Variants in KLHL8 observed in about 807,000 individuals in gnomAD.
The protein encoded by KLHL8 is kelch like family member 8.
A neutral mutation model predicts 63.5 loss-of-function variants in KLHL8; 38 were observed. The observed-to-expected ratio is 0.60, with a 90% CI of 0.46 to 0.78. The LOEUF (loss-of-function observed/expected upper bound fraction) is 0.78, where lower values mean the gene tolerates loss of function less well. Ranked by LOEUF, KLHL8 falls within the 30% of genes least tolerant of loss-of-function variation. The probability of loss-of-function intolerance (pLI) is 0.00; values close to 1 mark genes in which losing one functional copy is unlikely to be tolerated. For missense variants in KLHL8, 566 were observed against 752.4 expected (o/e 0.75, Z 2.90); for synonymous variants, 224 against 254.3 (o/e 0.88, Z 1.13).
intron 2 of KLHL8, among the ~76,000 whole-genome samples, chr4:87,194,240 A>C (rs1406639069): frequency 6.6e-6 from 1 of 152,218 alleles, no homozygotes; most frequent in Non-Finnish European, 1.5e-5. Context: ...TCTGCCTTCC[A>C]TGTGAGGACA....
chr4:87,164,813 C>G (rs1394501404), intron 8 of KLHL8, among the ~76,000 whole-genome samples: 1 of 152,074 alleles, frequency 6.6e-6, no homozygotes, highest in Admixed American at 6.6e-5. Context: ...GCCTAATTTA[C>G]TGAGAATAGA....
intron 8 of KLHL8, 28 bp from the exon 9 acceptor site, chr4:87,164,107 C>T (rs1280888440): frequency 6.5e-7 from 1 of 1,544,990 alleles, no homozygotes; most frequent in Middle Eastern, 1.7e-4. Flanking sequence ...TTAAAAACAG[C>T]ATTACATTCC....
chr4:87,163,787 T>C (rs1431708902), intron 9 of KLHL8, 91 bp downstream of exon 9: 2 of 1,528,434 alleles, frequency 1.3e-6, no homozygotes, highest in African/African-American at 2.7e-5. Context: ...AAGCTTAGTA[T>C]TAACTACGAC....
chr4:87,215,791 C>CA lies in KLHL8; in HGVS notation c.-152+4626dup, dbSNP rs915457154. Among the ~76,000 whole-genome samples, 4 of 152,272 alleles carry CA rather than the reference C, an allele frequency of 2.6e-5. No homozygotes were observed. The East Asian group carries it at 7.7e-4, about 29-fold the overall frequency. ...TTTTAAATGTTATAAATGAAAATCA[C>CA]AAATTATAATATAATCTACAAAAGC... On this transcript the variant is annotated intron_variant, in intron 1 of 9. Transcript: ENST00000273963.
At chr4:87,221,025 C>T (rs568185189), upstream of KLHL8, 1 of 152,278 alleles carries the variant, frequency 6.6e-6, no homozygotes, top group South Asian at 2.1e-4. Context: ...ATATACAAAA[C>T]AACTGTGTTT....
intron 1 of KLHL8, among the ~76,000 whole-genome samples, chr4:87,203,263 C>A (rs1047480359): frequency 6.8e-6 from 1 of 147,016 alleles, no homozygotes. Flanking sequence ...CATGGCTGAG[C>A]ACAGTGGCTC....
intron 1 of KLHL8, among the ~76,000 whole-genome samples, chr4:87,210,855 G>A (rs922012088): frequency 6.6e-6 from 1 of 152,100 alleles, no homozygotes; most frequent in African/African-American, 2.4e-5. Context: ...GCTCAGGAAG[G>A]CCATCCCAAA....
At chr4:87,232,968 ATCT>A (rs1168634830) in intron 1 of KLHL8, among the ~76,000 whole-genome samples, 3 of 151,976 alleles carry the variant, frequency 2.0e-5, no homozygotes, top group Non-Finnish European at 4.4e-5. Flanking sequence ...AGTATTAAAT[ATCT>A]TCTTCCAGTT....
At chr4:87,222,905 C>T (rs182649774), upstream of KLHL8, among the ~76,000 whole-genome samples, 117 of 151,990 alleles carry the variant, frequency 7.7e-4, no homozygotes, top group African/African-American at 2.8e-3. Flanking sequence ...TTTAGTAAGA[C>T]CATGTTAATA....
At chr4:87,184,478 C>A (rs116120247) in intron 3 of KLHL8, among the ~76,000 whole-genome samples, 1 of 152,048 alleles carries the variant, frequency 6.6e-6, no homozygotes, top group Admixed American at 6.6e-5. Flanking sequence ...TTAAAAATCA[C>A]GAGAATTATC....
chr4:87,224,007 A>G (rs143156440), upstream of KLHL8, among the ~76,000 whole-genome samples: 452 of 152,194 alleles, frequency 3.0e-3, 4 homozygotes, highest in African/African-American at 0.01. Flanking sequence ...TCATTTTATG[A>G]TTGTACTTTA....
At position 87,220,513 on chromosome 4, in the gene KLHL8, A is replaced by T. The variant is rs1394703721; in HGVS notation, c.-247T>A. ...GGCCGCCCTCAGCGGAACCTCACCAACCCCGCGCGAGCACCCGGCGGACGC... is the reference window on the plus strand; with the variant it reads ...GGCCGCCCTCAGCGGAACCTCACCATCCCCGCGCGAGCACCCGGCGGACGC... On this transcript the variant is annotated 5_prime_UTR_variant, in exon 1 of 10. The change creates a new upstream start codon in the 5' untranslated region. Coordinates refer to ENST00000273963, the MANE Select transcript of KLHL8 (RefSeq NM_020803.5). The T allele has an allele frequency of 6.6e-6, 1 of 151,744 alleles. No homozygotes were observed. The highest frequency in any genetic ancestry group is 1.5e-5 in the Non-Finnish European group (1 of 67,928). The allele number at this position is 151,744 out of a possible 1,614,324, so 9.4% of individuals were successfully genotyped here.
At chr4:87,236,920 T>G (rs918552778) in intron 1 of KLHL8, among the ~76,000 whole-genome samples, 4 of 152,144 alleles carry the variant, frequency 2.6e-5, no homozygotes, top group Admixed American at 6.5e-5. Context: ...CGCTTCGGTC[T>G]CCCAAAGTGC....
intron 4 of KLHL8, 89 bp from the exon 5 acceptor site, chr4:87,178,709 AC>A (rs1282687730): frequency 7.4e-7 from 1 of 1,346,422 alleles, no homozygotes; most frequent in East Asian, 2.7e-5. Flanking sequence ...AAGCAAAAAG[AC>A]AAAAAAAAGT....
At chr4:87,217,494 C>G (rs1312762717) in intron 1 of KLHL8, among the ~76,000 whole-genome samples, 3 of 151,896 alleles carry the variant, frequency 2.0e-5, no homozygotes, top group Non-Finnish European at 4.4e-5. Context: ...ACCACCACAT[C>G]TGGGTAATTT....
chr4:87,219,217 G>A (rs1732721998), intron 1 of KLHL8, among the ~76,000 whole-genome samples: 1 of 152,166 alleles, frequency 6.6e-6, no homozygotes, highest in South Asian at 2.1e-4. Flanking sequence ...TAATGCCACC[G>A]CCATCTCCAA....
rs1730212395 is a variant in KLHL8, at chr4:87,162,508, A to G, written c.*1011T>C. 6.6e-6 allele frequency: 1 copy of G among 152,252 alleles called. No homozygotes were observed. The highest frequency in any genetic ancestry group is 2.4e-5 in the African/African-American group (1 of 41,470). The allele number at this position is 152,252 out of a possible 1,614,324, so 9.4% of individuals were successfully genotyped here. A position where few individuals can be genotyped will look rare whatever the true frequency, so the allele number is the denominator to read the frequency against. ...TGAACTAATCAATAAACTACAGTCT[A>G]CAAAAAGGTTTTTGTAAAAATGCAT... On this transcript the variant is annotated 3_prime_UTR_variant, in exon 10 of 10. Coordinates refer to ENST00000273963, the MANE Select transcript of KLHL8 (RefSeq NM_020803.5).
chr4:87,233,871 T>TA (rs893581808), intron 1 of KLHL8, among the ~76,000 whole-genome samples: 1 of 152,180 alleles, frequency 6.6e-6, no homozygotes, highest in Admixed American at 6.5e-5. Context: ...AACAATATTT[T>TA]AAAAAATACT....
chr4:87,165,977 A>C (rs943330124), intron 8 of KLHL8, among the ~76,000 whole-genome samples: 3 of 152,248 alleles, frequency 2.0e-5, no homozygotes. Context: ...AAGGGTCCAA[A>C]AGATTTAAAA....
Sources: gnomAD v4.1 joint callset for allele counts (sites outside exome capture counted in the v4.1 genomes callset) on GRCh38, gnomAD v4.1.1 for gene constraint, MANE v1.5 for transcripts, NCBI Gene and HGNC (gene_info 2026-07-23, HGNC 2026-07-21) for gene names.